ANKRD12: variants seen among roughly 807,000 people sequenced by gnomAD.
ANKRD12 encodes the protein ankyrin repeat domain 12.
In ANKRD12, 85 loss-of-function variants were observed where a neutral mutation model predicts 183.4. The observed-to-expected ratio is 0.46, with a 90% CI of 0.39 to 0.56. The LOEUF (loss-of-function observed/expected upper bound fraction) is 0.56, where lower values mean the gene tolerates loss of function less well. ANKRD12 is among the 20% of genes least tolerant of loss of function. The pLI is 0.00. For missense variants in ANKRD12, 2,405 were observed against 2,357.1 expected (o/e 1.02, Z -0.42); for synonymous variants, 914 against 800.2 (o/e 1.14, Z -2.40).
chr18:9,164,176 T>C lies in ANKRD12; in HGVS notation c.-51-18206T>C, dbSNP rs540815019. On this transcript the variant is annotated intron_variant, in intron 1 of 12. Coordinates refer to ENST00000262126, the MANE Select transcript of ANKRD12 (RefSeq NM_015208.5). ...GTGGGTTTGTCATATATGGCTGTTA[T>C]TATTTTGTGGTATGTTCCTTCAGTC... Among the ~76,000 whole-genome samples the C allele has an allele frequency of 2.0e-5, 3 of 152,304 alleles. No homozygotes were observed. In the South Asian group the frequency reaches 6.2e-4, roughly 32 times the overall value.
At chr18:9,143,594 G>T (rs188100848) in intron 1 of ANKRD12, among the ~76,000 whole-genome samples, 1 of 152,184 alleles carries the variant, frequency 6.6e-6, no homozygotes, top group Non-Finnish European at 1.5e-5. Context: ...CCGAGGAGCT[G>T]GGATTACAGG....
chr18:9,174,216 C>A (rs937529642), intron 1 of ANKRD12, among the ~76,000 whole-genome samples: 1 of 152,250 alleles, frequency 6.6e-6, no homozygotes. Context: ...CCTGAAAACT[C>A]ATCCATTTTA....
chr18:9,204,370 A>G, intron 3 of ANKRD12, 106 bp from the exon 4 acceptor site: 1 of 780,728 alleles, frequency 1.3e-6, no homozygotes, highest in Non-Finnish European at 2.1e-6. Context: ...TGGCAAAACA[A>G]TAATAGCTTA....
chr18:9,144,373 CAGA>C (rs2078423432), intron 1 of ANKRD12, among the ~76,000 whole-genome samples: 1 of 152,116 alleles, frequency 6.6e-6, no homozygotes. Flanking sequence ...TCAAAAACCC[CAGA>C]AGAATAGGCT....
At chr18:9,149,807 T>A (rs1287722761) in intron 1 of ANKRD12, among the ~76,000 whole-genome samples, 2 of 149,314 alleles carry the variant, frequency 1.3e-5, no homozygotes, top group Non-Finnish European at 3.0e-5. Flanking sequence ...TATTTTTTTT[T>A]TTTTTTGAGA....
chr18:9,192,802 C>T (rs2034536308), intron 2 of ANKRD12, among the ~76,000 whole-genome samples: 1 of 151,852 alleles, frequency 6.6e-6, no homozygotes, highest in African/African-American at 2.4e-5. Context: ...CTGCCTCAGC[C>T]TCCCGAGTAG....
chr18:9,218,169 T>C (rs1460553430), intron 7 of ANKRD12, among the ~76,000 whole-genome samples: 1 of 152,246 alleles, frequency 6.6e-6, no homozygotes, highest in Non-Finnish European at 1.5e-5. Flanking sequence ...GACTAAGACA[T>C]GGTTTCTGTG....
At chr18:9,204,405 G>A (rs1159494067) in intron 3 of ANKRD12, 71 bp from the exon 4 acceptor site, 1 of 1,091,494 alleles carries the variant, frequency 9.2e-7, no homozygotes, top group Non-Finnish European at 1.4e-6. Context: ...TTTGAAAAAT[G>A]TTGGTTTGTT....
At chr18:9,197,886 T>C (rs1053813314) in intron 3 of ANKRD12, among the ~76,000 whole-genome samples, 5 of 152,146 alleles carry the variant, frequency 3.3e-5, no homozygotes, top group African/African-American at 1.2e-4. Flanking sequence ...TCAATTGTAT[T>C]TATATTTTTG....
At position 9,253,945 on chromosome 18, in the gene ANKRD12, T is replaced by C. The variant is rs114268467; in HGVS notation, c.944-266T>C. Reference sequence around the variant, plus strand: ...ACTGCAGGACTATGTTTTTATACTATATATTGTGATTTTAACATATACTGT... The same window carrying C: ...ACTGCAGGACTATGTTTTTATACTACATATTGTGATTTTAACATATACTGT... On this transcript the variant is annotated intron_variant, in intron 8 of 12. Coordinates refer to ENST00000262126, the MANE Select transcript of ANKRD12 (RefSeq NM_015208.5). Among the ~76,000 whole-genome samples the C allele has an allele frequency of 7.8e-3, 1,182 of 152,304 alleles. 12 individuals carry two copies. The highest frequency in any genetic ancestry group is 0.027 in the African/African-American group (1,108 of 41,554).
At position 9,165,490 on chromosome 18, in the gene ANKRD12, C is replaced by A. The variant is rs374644576; in HGVS notation, c.-51-16892C>A. ...CGTCATCCCAAGCTGAAACTTCATA[C>A]CAATTGAACACTGACTCTGCATTCC... On this transcript the variant is annotated intron_variant, in intron 1 of 12. Transcript: ENST00000262126. 2.6e-5 allele frequency among the ~76,000 whole-genome samples: 4 copies of A among 152,216 alleles called. No homozygotes were observed. The East Asian group carries it at 7.7e-4, about 29-fold the overall frequency.
Position 9,285,837 on chromosome 18 carries a change from TCATC to T in ANKRD12, c.*4715_*4718del, listed in dbSNP as rs2040205538. ...GTTTCTCAACATGATGTTTTGAAAT[TCATC>T]CATGTTGCACCTAACAGTAATGAGT... On this transcript the variant is annotated 3_prime_UTR_variant, in exon 13 of 13. Transcript: ENST00000262126. 3.3e-5 allele frequency: 5 copies of T among 152,298 alleles called. No homozygotes were observed. In the South Asian group the frequency reaches 1.0e-3, roughly 32 times the overall value. The allele number at this position is 152,298 out of a possible 1,614,324, so 9.4% of individuals were successfully genotyped here.
chr18:9,145,260 TTGCAGGCATA>T (rs1490165254), intron 1 of ANKRD12, among the ~76,000 whole-genome samples: 1 of 152,186 alleles, frequency 6.6e-6, no homozygotes, highest in East Asian at 1.9e-4. Flanking sequence ...GTAGCTGGGA[TTGCAGGCATA>T]TGCCACCATG....
At chr18:9,275,462 G>T in intron 10 of ANKRD12, 62 bp from the exon 11 acceptor site, 1 of 1,507,862 alleles carries the variant, frequency 6.6e-7, no homozygotes. Context: ...GAGAGAGTAA[G>T]ACTGTTCTTA....
intron 3 of ANKRD12, among the ~76,000 whole-genome samples, chr18:9,197,214 A>G (rs192751615): frequency 6.8e-4 from 103 of 152,336 alleles, no homozygotes; most frequent in African/African-American, 2.4e-3. Flanking sequence ...AAGGTAAGAA[A>G]TTTAGGCATT....
At chr18:9,207,873 CA>C (rs1354474087) in intron 4 of ANKRD12, among the ~76,000 whole-genome samples, 1 of 152,142 alleles carries the variant, frequency 6.6e-6, no homozygotes, top group Non-Finnish European at 1.5e-5. Context: ...ACAGAAAAGA[CA>C]AACATCTGTA....
chr18:9,196,123 A>ATAGAATTTT, intron 3 of ANKRD12, among the ~76,000 whole-genome samples: 1 of 67,756 alleles, frequency 1.5e-5, no homozygotes, highest in Non-Finnish European at 3.6e-5. Flanking sequence ...ACACACACAC[A>ATAGAATTTT]CACACACACA....
At chr18:9,280,857 TC>T in intron 12 of ANKRD12, 83 bp from the exon 13 acceptor site, 3 of 1,315,730 alleles carry the variant, frequency 2.3e-6, no homozygotes, top group Non-Finnish European at 2.1e-6. Context: ...CCATTTTAGT[TC>T]CTAAAGAAAC....
At chr18:9,203,968 C>T (rs2144544218) in intron 3 of ANKRD12, among the ~76,000 whole-genome samples, 1 of 152,254 alleles carries the variant, frequency 6.6e-6, no homozygotes, top group Middle Eastern at 3.4e-3. Flanking sequence ...TCCAGACGGT[C>T]TTCAGTAGTA....
Sources: gnomAD v4.1 joint callset for allele counts (sites outside exome capture counted in the v4.1 genomes callset) on GRCh38, gnomAD v4.1.1 for gene constraint, MANE v1.5 for transcripts, NCBI Gene and HGNC (gene_info 2026-07-23, HGNC 2026-07-21) for gene names.